SLC9A3: variants seen among roughly 807,000 people sequenced by gnomAD.
SLC9A3 encodes solute carrier family 9 member A3.
SLC9A3 carries 37 observed loss-of-function variants against 86.8 expected under a neutral mutation model. That is an observed-to-expected ratio of 0.43 (90% CI 0.33 to 0.56). The LOEUF (loss-of-function observed/expected upper bound fraction) is 0.56. Among genes scored for constraint, SLC9A3 ranks in the 20% least tolerant of loss-of-function variants. SLC9A3 has a pLI of 0.06. For missense variants in SLC9A3, 1,011 were observed against 1,171.9 expected (o/e 0.86, Z 2.00); for synonymous variants, 581 against 528.3 (o/e 1.10, Z -1.37).
chr5:494,945 T>C (rs990306689), intron 1 of SLC9A3, among the ~76,000 whole-genome samples: 2 of 152,074 alleles, frequency 1.3e-5, no homozygotes, highest in African/African-American at 4.8e-5. Context: ...GTCCTCCTCT[T>C]TTCAGGGTCA....
At chr5:517,095 TCATCCATC>T (rs573189531) in intron 1 of SLC9A3, among the ~76,000 whole-genome samples, 1 of 151,674 alleles carries the variant, frequency 6.6e-6, no homozygotes, top group Admixed American at 6.6e-5. Context: ...ATCCATCCAC[TCATCCATC>T]CATCCATCCA....
intron 1 of SLC9A3, among the ~76,000 whole-genome samples, chr5:519,607 G>A (rs948023742): frequency 6.6e-6 from 1 of 152,194 alleles, no homozygotes; most frequent in Non-Finnish European, 1.5e-5. Context: ...GACAGCGGGG[G>A]TCCGGGAGTC....
rs1415443186 is a variant in SLC9A3 at position 471,689 on chromosome 5, C to T, written c.*1690G>A. 9.2e-6 allele frequency: 4 copies of T among 436,898 alleles called. No individual in the cohort carries two copies. Among genetic ancestry groups the T allele is most frequent in the Non-Finnish European group, 1.8e-5 (4 of 216,924 alleles). 27.1% of individuals were successfully genotyped at this position (436,898 alleles called of 1,614,324 possible). A position where few individuals can be genotyped will look rare whatever the true frequency, so the allele number is the denominator to read the frequency against. ...TGCTCAGAGTTGGTTGAAATGGCTA[C>T]GAAGTGTGGAGAATAACCACTGAAT... On this transcript the variant is annotated 3_prime_UTR_variant, in exon 17 of 17. Coordinates refer to ENST00000264938, the MANE Select transcript of SLC9A3 (RefSeq NM_004174.4).
At chr5:485,252 G>T in intron 3 of SLC9A3, 21 bp from the exon 4 acceptor site, 1 of 1,605,634 alleles carries the variant, frequency 6.2e-7, no homozygotes. Context: ...AACGGGCAGG[G>T]CGTTGGGTGG....
chr5:479,124 G>A (rs908673345), intron 10 of SLC9A3: 2 of 152,466 alleles, frequency 1.3e-5, no homozygotes, highest in Admixed American at 6.5e-5. Context: ...ACCAAAGCTC[G>A]CTAGGGAGGG....
At chr5:481,723 A>ACACGCAGTGCC in intron 8 of SLC9A3, 88 bp from the exon 9 acceptor site, 2 of 1,128,950 alleles carry the variant, frequency 1.8e-6, no homozygotes, top group Non-Finnish European at 2.7e-6. Context: ...GCCCCGAGGA[A>ACACGCAGTGCC]CCCACCAGCC....
intron 1 of SLC9A3, among the ~76,000 whole-genome samples, chr5:513,951 C>A (rs930922910): frequency 1.3e-5 from 2 of 152,220 alleles, no homozygotes; most frequent in African/African-American, 4.8e-5. Flanking sequence ...TGGAGCTTCT[C>A]CTGGGAGCAG....
intron 3 of SLC9A3, among the ~76,000 whole-genome samples, chr5:487,015 G>A (rs1204642335): frequency 3.2e-5 from 1 of 31,618 alleles, no homozygotes; most frequent in African/African-American, 9.5e-5. Context: ...GATCCAGACC[G>A]CACTGACACC....
intron 10 of SLC9A3, chr5:477,782 T>TTGAAG: frequency 4.2e-6 from 1 of 240,310 alleles, no homozygotes; most frequent in Non-Finnish European, 8.0e-6. Context: ...TGCAGAATCA[T>TTGAAG]TGAAGTGGTC....
At chr5:502,899 C>G (rs939183018) in intron 1 of SLC9A3, among the ~76,000 whole-genome samples, 1 of 136,178 alleles carries the variant, frequency 7.3e-6, no homozygotes, top group Non-Finnish European at 1.7e-5. Flanking sequence ...ACCAGTGAGG[C>G]CGAAAGCCGC....
At chr5:489,084 T>C (rs11748410) in intron 2 of SLC9A3, among the ~76,000 whole-genome samples, 129,767 of 152,218 alleles carry the variant, frequency 0.85, 56,076 homozygotes, top group Non-Finnish European at 0.93. Context: ...AATGCAGCCT[T>C]ATCCTTCACA....
At chr5:473,658 A>G (rs1469295200) in intron 16 of SLC9A3, among the ~76,000 whole-genome samples, 2 of 152,210 alleles carry the variant, frequency 1.3e-5, no homozygotes, top group South Asian at 2.1e-4. Flanking sequence ...GTCCCGCCCC[A>G]GGCCCTGCAG....
At position 473,226 on chromosome 5, in the gene SLC9A3, TG is replaced by T; in HGVS notation, c.*152del. On this transcript the variant is annotated 3_prime_UTR_variant, in exon 17 of 17. Transcript: ENST00000264938. ...CGCAGGCGCGGCACTCTCGGAGTTCTGCGCAGGCGCTGGCGTGGGCGAGGCG... is the reference window on the plus strand; with the variant it reads ...CGCAGGCGCGGCACTCTCGGAGTTCTCGCAGGCGCTGGCGTGGGCGAGGCG... 1.2e-6 allele frequency: 1 copy of T among 846,642 alleles called. No individual in the cohort carries two copies. The highest frequency in any genetic ancestry group is 1.9e-5 in the African/African-American group (1 of 51,652). 52.4% of individuals were successfully genotyped at this position (846,642 alleles called of 1,614,324 possible). A position where few individuals can be genotyped will look rare whatever the true frequency, so the allele number is the denominator to read the frequency against.
chr5:475,615 C>A lies in SLC9A3; in HGVS notation c.2197G>T (p.Gly733Trp). Residue 733 changes from glycine (G) to tryptophan (W), a missense_variant, in exon 15 of 17, where the codon GGG becomes TGG. Coordinates refer to ENST00000264938, the MANE Select transcript of SLC9A3 (RefSeq NM_004174.4). ...GTGACACTAGCCAGGAACTCGATCC[C>A]CCCACTCATCTCCTCATCATAGTTG... is the stretch of plus-strand genomic sequence containing the variant. Reference protein sequence around the residue: ...PPNYDEEMSGGIEFLASVTKD... With the variant: ...PPNYDEEMSGWIEFLASVTKD... The A allele has an allele frequency of 6.4e-7, 1 of 1,552,730 alleles. No homozygotes were observed. The highest frequency in any genetic ancestry group is 2.4e-5 in the East Asian group (1 of 41,112).
intron 1 of SLC9A3, among the ~76,000 whole-genome samples, chr5:493,659 C>T (rs1004995556): frequency 1.1e-4 from 16 of 152,372 alleles, no homozygotes; most frequent in Middle Eastern, 6.8e-3. Context: ...TGCGGTCTCC[C>T]GACCCTGTCC....
intron 7 of SLC9A3, among the ~76,000 whole-genome samples, 188 bp from the exon 8 acceptor site, chr5:482,345 G>C (rs1054956083): frequency 6.6e-6 from 1 of 152,102 alleles, no homozygotes. Context: ...ATCCACCAGC[G>C]AAGGCCCGGG....
chr5:500,420 T>G (rs569793917), intron 1 of SLC9A3, among the ~76,000 whole-genome samples: 66 of 152,124 alleles, frequency 4.3e-4, no homozygotes, highest in African/African-American at 1.4e-3. Flanking sequence ...GACGGGACCC[T>G]CCAGGGACAC....
chr5:509,323 G>T (rs143900020), intron 1 of SLC9A3, among the ~76,000 whole-genome samples: 3 of 151,466 alleles, frequency 2.0e-5, no homozygotes, highest in Non-Finnish European at 4.4e-5. Flanking sequence ...GTACCGTGGC[G>T]CATGCCTGTA....
chr5:521,716 C>T (rs1385587982), intron 1 of SLC9A3, among the ~76,000 whole-genome samples: 2 of 152,168 alleles, frequency 1.3e-5, no homozygotes, highest in Non-Finnish European at 2.9e-5. Context: ...GAGAAGTTCC[C>T]GCTGTGGTGC....
Sources: gnomAD v4.1 joint callset for allele counts (sites outside exome capture counted in the v4.1 genomes callset) on GRCh38, gnomAD v4.1.1 for gene constraint, MANE v1.5 for transcripts, NCBI Gene and HGNC (gene_info 2026-07-23, HGNC 2026-07-21) for gene names.